The following TENM2 variants were observed in gnomAD, a reference collection of about 807,000 sequenced individuals.
TENM2 encodes the protein teneurin-2.
Under a neutral mutation model 245.2 loss-of-function variants are expected in TENM2, and 52 were observed. The observed-to-expected ratio is 0.21, with a 90% CI of 0.17 to 0.27. TENM2 has a LOEUF of 0.27. Among genes scored for constraint, TENM2 ranks in the 10% least tolerant of loss-of-function variants. The pLI, the probability that TENM2 is intolerant of heterozygous loss-of-function variation, is 1.00. For missense variants in TENM2, 3,046 were observed against 3,666.8 expected, an observed-to-expected ratio of 0.83 and a Z score of 4.37; for synonymous variants, 1,363 against 1,438.9, an observed-to-expected ratio of 0.95 and a Z score of 1.19.
intron 2 of TENM2, among the ~76,000 whole-genome samples, chr5:167,484,400 G>A (rs974456347): frequency 2.0e-5 from 3 of 152,034 alleles, no homozygotes; most frequent in Admixed American, 6.6e-5. Flanking sequence ...TGGGCACAGC[G>A]CTGTGCATGA....
chr5:167,585,093 C>CTTA (rs1775392277), intron 2 of TENM2, among the ~76,000 whole-genome samples: 2 of 152,168 alleles, frequency 1.3e-5, no homozygotes, highest in African/African-American at 4.8e-5. Context: ...AAATCATTAA[C>CTTA]CTCTGTGTTT....
intron 2 of TENM2, among the ~76,000 whole-genome samples, chr5:167,725,928 C>T (rs1459546720): frequency 6.6e-6 from 1 of 152,166 alleles, no homozygotes; most frequent in Non-Finnish European, 1.5e-5. Context: ...TCAGCCCTCT[C>T]CCAAGGGCTG....
At chr5:167,359,634 C>G in intron 1 of TENM2, among the ~76,000 whole-genome samples, 1 of 152,054 alleles carries the variant, frequency 6.6e-6, no homozygotes, top group East Asian at 1.9e-4. Context: ...TGTCACGAAA[C>G]CTTTGCCAGT....
chr5:167,465,267 T>A (rs1020087043), intron 2 of TENM2, among the ~76,000 whole-genome samples: 1 of 152,238 alleles, frequency 6.6e-6, no homozygotes, highest in African/African-American at 2.4e-5. Flanking sequence ...GTAACGGAGT[T>A]TCTGGAATAG....
chr5:167,785,959 T>C (rs1404954048), intron 2 of TENM2, among the ~76,000 whole-genome samples: 1 of 152,242 alleles, frequency 6.6e-6, no homozygotes, highest in African/African-American at 2.4e-5. Context: ...AACATATTTA[T>C]GGGTCATCTT....
At chr5:167,040,609 GT>G in the TENM2 span, among the ~76,000 whole-genome samples, 1 of 151,878 alleles carries the variant, frequency 6.6e-6, no homozygotes, top group African/African-American at 2.4e-5. Flanking sequence ...TCTGAATCTG[GT>G]TTTGAAAAAA....
chr5:167,508,346 G>A (rs764941694), intron 2 of TENM2, among the ~76,000 whole-genome samples: 1 of 152,076 alleles, frequency 6.6e-6, no homozygotes, highest in Non-Finnish European at 1.5e-5. Flanking sequence ...GGACAGTAGG[G>A]GTGGTGATTT....
chr5:167,106,222 C>T, the TENM2 span, among the ~76,000 whole-genome samples: 1 of 152,062 alleles, frequency 6.6e-6, no homozygotes, highest in African/African-American at 2.4e-5. Context: ...GTCCTCTTTT[C>T]GGTACAGGAA....
chr5:167,050,085 C>A, the TENM2 span, among the ~76,000 whole-genome samples: 1 of 152,260 alleles, frequency 6.6e-6, no homozygotes, highest in Non-Finnish European at 1.5e-5. Flanking sequence ...AAACCACCAA[C>A]CTGGCTAGTA....
rs1431008326 is a variant in TENM2, at chr5:167,755,587, C to A, written c.503-120399C>A. 2.6e-5 allele frequency among the ~76,000 whole-genome samples: 4 copies of A among 152,172 alleles called. No homozygotes were observed. In the East Asian group the frequency reaches 7.7e-4, roughly 29 times the overall value. On this transcript the variant is annotated intron_variant, in intron 2 of 28. Coordinates refer to ENST00000518659, the Ensembl canonical transcript of TENM2. The stretch of plus-strand genomic sequence containing the variant: ...CAAGTGACTCTGTCTGCATCTGTCA[C>A]ATTTTTTTCACCCTCCAGAGACCTA...
At chr5:167,029,929 C>T in the TENM2 span, among the ~76,000 whole-genome samples, 1 of 152,198 alleles carries the variant, frequency 6.6e-6, no homozygotes. Context: ...TCCCTGACTC[C>T]TGGAAGCCCT....
intron 3 of TENM2, among the ~76,000 whole-genome samples, chr5:167,894,505 T>C (rs1231685229): frequency 4.6e-5 from 7 of 152,172 alleles, no homozygotes; most frequent in Non-Finnish European, 1.0e-4. Flanking sequence ...ATCCAAACTC[T>C]TTCCTCTGAC....
chr5:167,548,849 G>C (rs1025913506), intron 2 of TENM2, among the ~76,000 whole-genome samples: 1 of 152,124 alleles, frequency 6.6e-6, no homozygotes, highest in African/African-American at 2.4e-5. Context: ...GGGAGCAATG[G>C]AACTTGCAGT....
chr5:167,496,689 TG>T (rs1768842794), intron 2 of TENM2, among the ~76,000 whole-genome samples: 1 of 152,156 alleles, frequency 6.6e-6, no homozygotes, highest in Non-Finnish European at 1.5e-5. Context: ...TGCACTGTCA[TG>T]GTTGATGATG....
At chr5:167,791,002 A>T (rs1460318238) in intron 2 of TENM2, among the ~76,000 whole-genome samples, 3 of 152,180 alleles carry the variant, frequency 2.0e-5, no homozygotes, top group Non-Finnish European at 4.4e-5. Context: ...CCAGAATATG[A>T]TTCAAAAATC....
At chr5:167,826,084 A>G (rs1215059378) in intron 2 of TENM2, among the ~76,000 whole-genome samples, 1 of 152,176 alleles carries the variant, frequency 6.6e-6, no homozygotes, top group Non-Finnish European at 1.5e-5. Flanking sequence ...TACCCCTAGC[A>G]TGTGCAAAAA....
At chr5:167,777,555 G>A (rs142570530) in intron 2 of TENM2, among the ~76,000 whole-genome samples, 13 of 152,216 alleles carry the variant, frequency 8.5e-5, no homozygotes, top group South Asian at 2.1e-4. Flanking sequence ...GCCCTGGCAC[G>A]TTTTACATGT....
intron 4 of TENM2, among the ~76,000 whole-genome samples, chr5:167,990,888 A>G (rs1259624487): frequency 6.6e-6 from 1 of 152,218 alleles, no homozygotes; most frequent in Non-Finnish European, 1.5e-5. Flanking sequence ...TAATGATAGC[A>G]ATCCTGCCTT....
chr5:167,778,383 TG>T (rs1763955698), intron 2 of TENM2, among the ~76,000 whole-genome samples: 2 of 152,168 alleles, frequency 1.3e-5, no homozygotes, highest in Non-Finnish European at 1.5e-5. Flanking sequence ...TCTAGTGTGT[TG>T]GGCACTGAGC....
Sources: gnomAD v4.1 joint callset for allele counts (sites outside exome capture counted in the v4.1 genomes callset) on GRCh38, gnomAD v4.1.1 for gene constraint, MANE v1.5 for transcripts, NCBI Gene and HGNC (gene_info 2026-07-23, HGNC 2026-07-21) for gene names.